The following PLCB3 variants were observed in gnomAD, a reference collection of about 807,000 sequenced individuals.
PLCB3 encodes the protein 1-phosphatidylinositol 4,5-bisphosphate phosphodiesterase beta-3.
PLCB3 carries 54 observed loss-of-function variants against 152.1 expected under a neutral mutation model. The observed-to-expected ratio is 0.36, with a 90% CI of 0.29 to 0.45. The LOEUF (loss-of-function observed/expected upper bound fraction) is 0.45. Ranked by LOEUF, PLCB3 falls within the 20% of genes least tolerant of loss-of-function variation. The probability of loss-of-function intolerance (pLI) is 1.00; values close to 1 mark genes in which losing one functional copy is unlikely to be tolerated. For synonymous variants in PLCB3, 717 were observed against 698.7 expected, an observed-to-expected ratio of 1.03 and a Z score of -0.41; for missense variants, 1,248 against 1,687.5, an observed-to-expected ratio of 0.74 and a Z score of 4.56.
Position 64,251,763 on chromosome 11 carries a change from C to T in PLCB3, c.99+15C>T. 1 of 1,359,762 alleles carries T rather than the reference C, an allele frequency of 7.4e-7. No individual in the cohort carries two copies. Among genetic ancestry groups the T allele is most frequent in the South Asian group, 1.5e-5 (1 of 64,776 alleles). The allele number at this position is 1,359,762 out of a possible 1,614,324, so 84.2% of individuals were successfully genotyped here. On this transcript the variant is annotated intron_variant, in intron 1 of 30. Coordinates refer to ENST00000279230, the MANE Select transcript of PLCB3 (RefSeq NM_000932.5). ...AATGGGACGAGGTAAGCGCGCGGGC[C>T]CCTGCTCCGCCCAAATCCCGGGACT...
Position 64,258,330 on chromosome 11 carries a change from T to C in PLCB3, c.1013-143T>C. The C allele has an allele frequency of 2.2e-6, 2 of 897,904 alleles. No homozygotes were observed. Among genetic ancestry groups the C allele is most frequent in the Non-Finnish European group, 3.3e-6 (2 of 603,938 alleles). The allele number at this position is 897,904 out of a possible 1,614,324, so 55.6% of individuals were successfully genotyped here. A position where few individuals can be genotyped will look rare whatever the true frequency, so the allele number is the denominator to read the frequency against. ...AGGGATGACTCCCCCCAGCTCACGC[T>C]GGTGGGATGGACAGGTGGTGGGTAT... On this transcript the variant is annotated intron_variant, in intron 10 of 30. Coordinates refer to ENST00000279230, the MANE Select transcript of PLCB3 (RefSeq NM_000932.5). The surrounding 1 kb of genome is among the most constrained non-coding windows in gnomAD (Gnocchi z 7.2).
chr11:64,252,790 G>T (rs1326914535), intron 1 of PLCB3, among the ~76,000 whole-genome samples: 1 of 151,570 alleles, frequency 6.6e-6, no homozygotes, highest in South Asian at 2.1e-4. Flanking sequence ...AAGGAAGTGG[G>T]AACAGGGAGA....
rs1446937406 is a variant in PLCB3, at chr11:64,265,488, G to A, written c.3021G>A (p.Leu1007=). The change falls in exon 25 of 31, where the codon CTG becomes CTA. Residue 1007 remains leucine, a synonymous_variant. Transcript: ENST00000279230. ...CACAGGCTGAGGGCAGGTGCCGGCT[G>A]CGGCCAGGTGCCCTGTGAGTGTCTG... ...AQAQAEGRCR[L]RPGALGGAAD... 6.2e-7 allele frequency: 1 copy of A among 1,600,458 alleles called. No individual in the cohort carries two copies. The highest frequency in any genetic ancestry group is 1.1e-5 in the South Asian group (1 of 90,612).
intron 1 of PLCB3, among the ~76,000 whole-genome samples, chr11:64,252,651 C>T (rs1261658950): frequency 3.3e-5 from 5 of 151,986 alleles, no homozygotes; most frequent in African/African-American, 7.2e-5. Flanking sequence ...GAGATGGGGG[C>T]GTGGCCTGAA....
rs1797113016 is a variant in PLCB3, at chr11:64,261,977, A to G, written c.1939A>G (p.Ile647Val). Residue 647 changes from isoleucine to valine, a missense_variant, in exon 17 of 31, where the codon ATC becomes GTC. Transcript: ENST00000279230. ...VEYNKQQLSR[I>V]YPKGTRVDSS... ...ATACAACAAGCAGCAGCTCAGCCGC[A>G]TCTACCCCAAGGGCACCCGCGTGGA... 3.1e-6 allele frequency: 5 copies of G among 1,614,024 alleles called. No homozygotes were observed. The highest frequency in any genetic ancestry group is 2.2e-5 in the South Asian group (2 of 91,084).
rs370679637 is a variant in PLCB3 at position 64,254,627 on chromosome 11, G to T, written c.178-121G>T. On this transcript the variant is annotated intron_variant, in intron 2 of 30. Coordinates refer to ENST00000279230, the MANE Select transcript of PLCB3 (RefSeq NM_000932.5). ...CCCAGACAGGAAGTGCTCAGGGCAGGAGCTGAGGCTGGGGCTATAGCCAGG... is the reference window on the plus strand; with the variant it reads ...CCCAGACAGGAAGTGCTCAGGGCAGTAGCTGAGGCTGGGGCTATAGCCAGG... The T allele has an allele frequency of 8.9e-3, 12,208 of 1,364,986 alleles. 84 individuals carry two copies. The highest frequency in any genetic ancestry group is 9.9e-3 in the Non-Finnish European group (9,525 of 959,374). The allele number at this position is 1,364,986 out of a possible 1,614,324, so 84.6% of individuals were successfully genotyped here.
rs1472382083 is a variant in PLCB3, at chr11:64,267,491, C to T, written c.3640C>T (p.Pro1214Ser). Residue 1214 changes from proline to serine, a missense_variant, in exon 31 of 31, where the codon CCC becomes TCC. By Grantham distance (74) the Pro-to-Ser change is moderately conservative. Around this residue, in one of 6 missense-constraint regions of PLCB3, gnomAD observed 477 missense variants for 489.6 expected, o/e 0.97. Transcript: ENST00000279230. This position sits in a 1 kb window ranked among gnomAD's most constrained non-coding sequence, Gnocchi z 5.2. ...GGCCTGTGCCAGCAACGGTCACGCA[C>T]CCGGGAGCAGCGGGCACCTGTCGGG... ...LVACASNGHA[P>S]GSSGHLSGAD... is the part of the protein sequence containing the mutation. 1.3e-6 allele frequency: 2 copies of T among 1,568,996 alleles called. No individual in the cohort carries two copies. The highest frequency in any genetic ancestry group is 1.7e-6 in the Non-Finnish European group (2 of 1,161,582).
At chr11:64,262,341 C>G in intron 17 of PLCB3, 66 bp from the exon 18 acceptor site, 1 of 1,572,884 alleles carries the variant, frequency 6.4e-7, no homozygotes. Flanking sequence ...TGATGATCTC[C>G]CATTCCCCAC....
At chr11:64,259,325 A>C in intron 13 of PLCB3, 81 bp downstream of exon 13, 1 of 1,171,826 alleles carries the variant, frequency 8.5e-7, no homozygotes, top group East Asian at 2.6e-5. Context: ...ACTTCATCCC[A>C]GACCCCCAGC....
chr11:64,265,734 G>A (rs2032083617), intron 25 of PLCB3, 152 bp from the exon 26 acceptor site: 1 of 1,218,112 alleles, frequency 8.2e-7, no homozygotes, highest in Non-Finnish European at 1.1e-6. Context: ...CATCACTTGG[G>A]TGGAGCTAAC....
At chr11:64,254,589 T>A in intron 2 of PLCB3, 97 bp downstream of exon 2, 1 of 1,374,602 alleles carries the variant, frequency 7.3e-7, no homozygotes, top group Non-Finnish European at 1.0e-6. Context: ...CAGGCTGACC[T>A]CTCCCACTGC....
chr11:64,259,521 G>C (rs1342150303), intron 13 of PLCB3, among the ~76,000 whole-genome samples: 1 of 152,132 alleles, frequency 6.6e-6, no homozygotes, highest in Non-Finnish European at 1.5e-5. Context: ...TGATGGCTCT[G>C]AAGGCTGACC....
At position 64,256,773 on chromosome 11, in the gene PLCB3, G is replaced by A. The variant is rs750236481; in HGVS notation, c.1012+9G>A. ...TAACACCTATCTCACTGGTGAGTGG[G>A]GAGCAAGGGTGGCACCCGTGACCTC... On this transcript the variant is annotated intron_variant, in intron 10 of 30. Coordinates refer to ENST00000279230, the MANE Select transcript of PLCB3 (RefSeq NM_000932.5). The A allele has an allele frequency of 6.2e-7, 1 of 1,613,180 alleles. No homozygotes were observed. The highest frequency in any genetic ancestry group is 1.3e-5 in the African/African-American group (1 of 75,042).
chr11:64,266,645 C>A lies in PLCB3; in HGVS notation c.3414+93C>A. ...GCCTGGCCTGGTGCCACGTTGCCCTCAAGGTTCTTCTAGGGCCTTTCTCAA... is the reference window on the plus strand; with the variant it reads ...GCCTGGCCTGGTGCCACGTTGCCCTAAAGGTTCTTCTAGGGCCTTTCTCAA... On this transcript the variant is annotated intron_variant, in intron 29 of 30. Transcript: ENST00000279230. The surrounding 1 kb of genome is among the most constrained non-coding windows in gnomAD (Gnocchi z 4.9). 8.0e-7 allele frequency: 1 copy of A among 1,243,458 alleles called. No individual in the cohort carries two copies. The highest frequency in any genetic ancestry group is 1.2e-6 in the Non-Finnish European group (1 of 849,178). 77.0% of individuals were successfully genotyped at this position (1,243,458 alleles called of 1,614,324 possible). A position where few individuals can be genotyped will look rare whatever the true frequency, so the allele number is the denominator to read the frequency against.
rs761428492 is a variant in PLCB3 at position 64,255,353 on chromosome 11, C to T, written c.467+40C>T. On this transcript the variant is annotated intron_variant, in intron 5 of 30. Coordinates refer to ENST00000279230, the MANE Select transcript of PLCB3 (RefSeq NM_000932.5). This position sits in a 1 kb window ranked among gnomAD's most constrained non-coding sequence, Gnocchi z 6.8. ...ACCCGAGGGGGAGCCGGGGGGTTCA[C>T]GTGGCCGTTTTCAGGGTGTGACCTC... The T allele has an allele frequency of 6.3e-5, 102 of 1,613,690 alleles. No homozygotes were observed. The Admixed American group carries it at 1.1e-3, about 17-fold the overall frequency.
In PLCB3 at chr11:64,267,137, A is replaced by G. The variant is rs2032163201; in HGVS notation, c.3415-48A>G. The G allele has an allele frequency of 2.0e-6, 3 of 1,502,524 alleles. No individual in the cohort carries two copies. The highest frequency in any genetic ancestry group is 2.0e-5 in the Admixed American group (1 of 50,910). 93.1% of individuals were successfully genotyped at this position (1,502,524 alleles called of 1,614,324 possible). On this transcript the variant is annotated intron_variant, in intron 29 of 30. Coordinates refer to ENST00000279230, the MANE Select transcript of PLCB3 (RefSeq NM_000932.5). This position sits in a 1 kb window ranked among gnomAD's most constrained non-coding sequence, Gnocchi z 5.2. ...TACCCAGCCAGAGCCTCGAGGCTCT[A>G]GCCCCTCCCTCAGGGCCCCTCAGCT... is the stretch of plus-strand genomic sequence containing the variant.
intron 1 of PLCB3, 69 bp downstream of exon 1, chr11:64,251,817 G>A: frequency 1.1e-6 from 1 of 947,760 alleles, no homozygotes. Context: ...CAGACGCTGG[G>A]GACCCCCACC....
intron 2 of PLCB3, 124 bp downstream of exon 2, chr11:64,254,616 G>A (rs2031418554): frequency 1.5e-6 from 2 of 1,344,180 alleles, no homozygotes; most frequent in Admixed American, 1.7e-5. Context: ...GACAGGAAGT[G>A]CTCAGGGCAG....
rs1435833569 is a variant in PLCB3 at position 64,256,848 on chromosome 11, T to G, written c.1012+84T>G. 3 of 1,464,946 alleles carry G rather than the reference T, an allele frequency of 2.0e-6. No homozygotes were observed. In the African/African-American group the frequency reaches 4.2e-5, roughly 20 times the overall value. 90.7% of individuals were successfully genotyped at this position (1,464,946 alleles called of 1,614,324 possible). A position where few individuals can be genotyped will look rare whatever the true frequency, so the allele number is the denominator to read the frequency against. On this transcript the variant is annotated intron_variant, in intron 10 of 30. Transcript: ENST00000279230. The stretch of plus-strand genomic sequence containing the variant: ...CACTCCTCCTGGGGCACAGTCCTTT[T>G]GGCCCATTTGCTCATTCATTGGCCA...
Sources: allele counts gnomAD v4.1 joint callset (sites outside exome capture counted in the v4.1 genomes callset), GRCh38; gene constraint gnomAD v4.1.1; regional missense constraint gnomAD v4.1.1; non-coding constraint Gnocchi (gnomAD v3.1); transcripts MANE v1.5; gene names NCBI Gene and HGNC (gene_info 2026-07-23, HGNC 2026-07-21).